Variants in TSPAN10 observed in about 807,000 individuals in gnomAD.
The protein encoded by TSPAN10 is tetraspanin-10.
A neutral mutation model predicts 15.0 loss-of-function variants in TSPAN10; 11 were observed. That is an observed-to-expected ratio of 0.73 (90% CI 0.46 to 1.21). The LOEUF (loss-of-function observed/expected upper bound fraction) is 1.21. Ranked by LOEUF, TSPAN10 falls within the 50% of genes most tolerant of loss-of-function variation. TSPAN10 has a pLI of 0.00. For missense variants in TSPAN10, 486 were observed against 470.6 expected (o/e 1.03, Z -0.30); for synonymous variants, 241 against 226.2 (o/e 1.07, Z -0.59).
At chr17:81,637,652 G>A (rs1025818836), upstream of TSPAN10, 4 of 423,760 alleles carry the variant, frequency 9.4e-6, no homozygotes, top group African/African-American at 6.2e-5. Context: ...TACAAAATTA[G>A]GCCATACGCG....
chr17:81,647,768 G>A lies in TSPAN10; in HGVS notation c.675-133G>A, dbSNP rs1241905915. On this transcript the variant is annotated intron_variant, in intron 2 of 2. Coordinates refer to ENST00000611590, the Ensembl canonical transcript of TSPAN10. ...TGTGCAGGTGTGTGCGAATAGGAGG[G>A]CGTATGCACGTGTGTGCATGTGCCT... is the stretch of plus-strand genomic sequence containing the variant. The A allele has an allele frequency of 7.8e-6, 7 of 893,948 alleles. No individual in the cohort carries two copies. The South Asian group carries it at 9.2e-5, about 12-fold the overall frequency. The allele number at this position is 893,948 out of a possible 1,614,324, so 55.4% of individuals were successfully genotyped here.
At chr17:81,644,006 A>ATTTT (rs1322175344) in intron 1 of TSPAN10, among the ~76,000 whole-genome samples, 3 of 124,132 alleles carry the variant, frequency 2.4e-5, no homozygotes, top group Non-Finnish European at 3.4e-5. Flanking sequence ...CGCCCGGCTA[A>ATTTT]TTTTTTTTTT....
upstream of TSPAN10, among the ~76,000 whole-genome samples, chr17:81,641,997 A>T (rs2144375740): frequency 1.3e-5 from 2 of 151,944 alleles, 1 homozygote; most frequent in Admixed American, 1.3e-4. Flanking sequence ...GGGGTTGTGA[A>T]CCAATTTACC....
chr17:81,645,672 G>A lies in TSPAN10; in HGVS notation c.674+43G>A, dbSNP rs370069308. On this transcript the variant is annotated intron_variant, in intron 2 of 2. Transcript: ENST00000611590. The stretch of plus-strand genomic sequence containing the variant: ...CGAGGGACAGGGCCACCACAGGGTC[G>A]CAGAGGCCACACACCCTTGTGCGTG... 9.6e-4 allele frequency: 1,547 copies of A among 1,603,770 alleles called. 5 individuals are homozygous for A. The highest frequency in any genetic ancestry group is 1.1e-3 in the Non-Finnish European group (1,269 of 1,177,860).
intron 2 of TSPAN10, among the ~76,000 whole-genome samples, chr17:81,647,251 A>G (rs2036267457): frequency 1.3e-5 from 2 of 152,008 alleles, no homozygotes; most frequent in Non-Finnish European, 2.9e-5. Context: ...CCTCGTCCCC[A>G]TCCCCTGCCT....
intron 2 of TSPAN10, 69 bp downstream of exon 3, chr17:81,645,698 TACAC>T (rs2036243338): frequency 1.3e-6 from 2 of 1,567,754 alleles, no homozygotes; most frequent in Non-Finnish European, 1.7e-6. Context: ...CTTGTGCGTG[TACAC>T]ACAGTCACTC....
chr17:81,645,773 G>T, intron 2 of TSPAN10, 144 bp downstream of exon 3: 1 of 1,074,702 alleles, frequency 9.3e-7, no homozygotes, highest in Admixed American at 2.1e-5. Flanking sequence ...ACATGTACAC[G>T]CATATCCACA....
At chr17:81,642,321 G>A (rs564749051), upstream of TSPAN10, 42 of 1,492,670 alleles carry the variant, frequency 2.8e-5, no homozygotes, top group Middle Eastern at 3.6e-4. Flanking sequence ...GCCCAGGGCC[G>A]CAGTCAGGAC....
At chr17:81,647,366 T>G (rs1417490509) in intron 2 of TSPAN10, 3 of 454,706 alleles carry the variant, frequency 6.6e-6, no homozygotes, top group Non-Finnish European at 1.3e-5. Context: ...CTAGGGCACC[T>G]GGGGACTGCC....
intron 2 of TSPAN10, 27 bp from the exon 4 acceptor site, chr17:81,647,874 G>C (rs2036275921): frequency 1.3e-6 from 2 of 1,588,594 alleles, no homozygotes; most frequent in Admixed American, 1.7e-5. Flanking sequence ...CTCCCCGCCA[G>C]AACTGACGAT....
chr17:81,638,325 A>G (rs2036138748), upstream of TSPAN10: 3 of 151,820 alleles, frequency 2.0e-5, no homozygotes, highest in African/African-American at 7.3e-5. Context: ...TTGAGTCCGA[A>G]TCTCACTCTG....
At chr17:81,648,417 C>A (rs1568181827), downstream of TSPAN10, 2 of 936,116 alleles carry the variant, frequency 2.1e-6, no homozygotes, top group Non-Finnish European at 2.7e-6. Context: ...GGTGACTTCG[C>A]CGCAGGACCT....
chr17:81,642,424 G>A (rs1483507201), exon 1 of TSPAN10: 3 of 1,613,312 alleles, frequency 1.9e-6, no homozygotes, highest in South Asian at 2.2e-5. Flanking sequence ...TGGAGGAGGG[G>A]GAGAGGAGCC....
At chr17:81,640,337 C>T (rs553677531), upstream of TSPAN10, among the ~76,000 whole-genome samples, 69 of 149,966 alleles carry the variant, frequency 4.6e-4, no homozygotes, top group East Asian at 5.4e-3. Flanking sequence ...ACCTTCTCCC[C>T]GAGACCTCAC....
At chr17:81,647,823 G>A in intron 2 of TSPAN10, 78 bp from the exon 4 acceptor site, 1 of 1,495,376 alleles carries the variant, frequency 6.7e-7, no homozygotes, top group South Asian at 1.2e-5. Context: ...AAGGTGGGTA[G>A]GCGACATTCG....
intron 2 of TSPAN10, chr17:81,647,555 C>G: frequency 1.8e-6 from 1 of 559,684 alleles, no homozygotes. Context: ...TCCAACTCTA[C>G]CTTCTCAATG....
intron 1 of TSPAN10, among the ~76,000 whole-genome samples, chr17:81,642,856 T>G (rs540166780): frequency 7.2e-5 from 11 of 152,062 alleles, no homozygotes; most frequent in African/African-American, 2.7e-4. Context: ...GGGTGATAAA[T>G]AACCCTCCTC....
chr17:81,639,676 G>T (rs1300318763), upstream of TSPAN10, among the ~76,000 whole-genome samples: 1 of 150,020 alleles, frequency 6.7e-6, no homozygotes, highest in Non-Finnish European at 1.5e-5. Flanking sequence ...TGTCATCCCA[G>T]CACGGTGGCT....
chr17:81,645,541 G>C (rs374373317), exon 2 of TSPAN10: 2 of 1,606,120 alleles, frequency 1.2e-6, no homozygotes, highest in Non-Finnish European at 1.7e-6. Context: ...CTACCAGGAC[G>C]ACCCAGACCT....
Sources: gnomAD v4.1 joint callset for allele counts (sites outside exome capture counted in the v4.1 genomes callset) on GRCh38, gnomAD v4.1.1 for gene constraint, MANE v1.5 for transcripts, NCBI Gene and HGNC (gene_info 2026-07-23, HGNC 2026-07-21) for gene names.